CREB3L2: variants seen among roughly 807,000 people sequenced by gnomAD.
CREB3L2 encodes cAMP responsive element binding protein 3 like 2.
CREB3L2 carries 23 observed loss-of-function variants against 57.2 expected under a neutral mutation model. The observed-to-expected ratio is 0.40, with a 90% CI of 0.29 to 0.57. CREB3L2 has a LOEUF of 0.57. CREB3L2 is among the 20% of genes least tolerant of loss of function. The pLI is 0.42. For missense variants in CREB3L2, 628 were observed against 634.7 expected (o/e 0.99, Z 0.11); for synonymous variants, 268 against 265.1 (o/e 1.01, Z -0.11).
At chr7:137,991,283 C>G (rs1801890330) in intron 1 of CREB3L2, among the ~76,000 whole-genome samples, 1 of 151,948 alleles carries the variant, frequency 6.6e-6, no homozygotes, top group East Asian at 2.0e-4. Flanking sequence ...CCTGCCTCAG[C>G]CTCCCGAGTA....
intron 2 of CREB3L2, among the ~76,000 whole-genome samples, chr7:137,924,992 TA>T (rs1463451855): frequency 3.9e-5 from 6 of 152,208 alleles, no homozygotes; most frequent in Non-Finnish European, 7.3e-5. Context: ...CAAATGTAGA[TA>T]GCCCACATTT....
intron 1 of CREB3L2, among the ~76,000 whole-genome samples, chr7:137,928,876 T>A (rs1360061140): frequency 6.6e-6 from 1 of 152,148 alleles, no homozygotes; most frequent in Non-Finnish European, 1.5e-5. Context: ...CACTGCTTGA[T>A]GAGAGGAATG....
chr7:137,947,186 G>A (rs1454293978), intron 1 of CREB3L2, among the ~76,000 whole-genome samples: 1 of 150,902 alleles, frequency 6.6e-6, no homozygotes, highest in East Asian at 1.9e-4. Context: ...GCCCTCACCA[G>A]AAACCAACCA....
chr7:137,937,685 G>A (rs1034042029), intron 1 of CREB3L2, among the ~76,000 whole-genome samples: 5 of 152,058 alleles, frequency 3.3e-5, no homozygotes, highest in East Asian at 1.9e-4. Flanking sequence ...GCTGAGCTTC[G>A]AACTCTTTAT....
chr7:137,911,756 T>G (rs1329547253), intron 4 of CREB3L2, among the ~76,000 whole-genome samples: 1 of 152,170 alleles, frequency 6.6e-6, no homozygotes, highest in Non-Finnish European at 1.5e-5. Flanking sequence ...GAGAATCGCT[T>G]GAACCCATGA....
intron 2 of CREB3L2, among the ~76,000 whole-genome samples, chr7:137,919,645 A>T (rs1800226839): frequency 6.6e-6 from 1 of 152,230 alleles, no homozygotes; most frequent in Non-Finnish European, 1.5e-5. Context: ...ATGATGACAA[A>T]ACACTGAAAA....
At chr7:137,922,438 G>GTA (rs777359777) in intron 2 of CREB3L2, among the ~76,000 whole-genome samples, 455 of 9,966 alleles carry the variant, frequency 0.046, 2 homozygotes, top group Middle Eastern at 0.091. Context: ...ATATATATAC[G>GTA]TATATATATA....
At chr7:138,000,509 A>C (rs1802056009) in intron 1 of CREB3L2, among the ~76,000 whole-genome samples, 1 of 152,184 alleles carries the variant, frequency 6.6e-6, no homozygotes, top group African/African-American at 2.4e-5. Context: ...GGGAATCAGC[A>C]GGGAGGCCCT....
At chr7:137,994,667 C>T (rs1210927587) in intron 1 of CREB3L2, among the ~76,000 whole-genome samples, 7 of 152,186 alleles carry the variant, frequency 4.6e-5, no homozygotes, top group Middle Eastern at 3.4e-3. Flanking sequence ...TTTGCTGGGC[C>T]GGACGTGATA....
At chr7:137,996,004 T>C (rs142426304) in intron 1 of CREB3L2, among the ~76,000 whole-genome samples, 18 of 152,284 alleles carry the variant, frequency 1.2e-4, no homozygotes, top group African/African-American at 2.6e-4. Flanking sequence ...CTCTAGATCA[T>C]AGACAAATTA....
At chr7:137,938,408 C>T (rs1032503654) in intron 1 of CREB3L2, among the ~76,000 whole-genome samples, 3 of 152,012 alleles carry the variant, frequency 2.0e-5, no homozygotes, top group Admixed American at 6.5e-5. Flanking sequence ...TACAGTGGTG[C>T]GATCTCGGCT....
At chr7:137,926,939 A>C (rs541989552) in intron 2 of CREB3L2, among the ~76,000 whole-genome samples, 364 of 152,336 alleles carry the variant, frequency 2.4e-3, no homozygotes, top group Non-Finnish European at 4.1e-3. Flanking sequence ...ACTTCAGCCC[A>C]GGAGTTCAAA....
At chr7:137,976,324 C>G (rs1261696175) in intron 1 of CREB3L2, among the ~76,000 whole-genome samples, 2 of 152,226 alleles carry the variant, frequency 1.3e-5, no homozygotes, top group Non-Finnish European at 2.9e-5. Flanking sequence ...CACACTCAAG[C>G]CTTGGGTGGC....
Position 137,877,720 on chromosome 7 carries a change from A to C in CREB3L2, c.*2756T>G, listed in dbSNP as rs1799189182. 1 of 227,906 alleles carries C rather than the reference A, an allele frequency of 4.4e-6. No individual in the cohort carries two copies. The highest frequency in any genetic ancestry group is 8.7e-6 in the Non-Finnish European group (1 of 114,928). The allele number at this position is 227,906 out of a possible 1,614,324, so 14.1% of individuals were successfully genotyped here. A position where few individuals can be genotyped will look rare whatever the true frequency, so the allele number is the denominator to read the frequency against. ...GTATTTCTCAAAACTTACATTCAGA[A>C]GACACTGTCTGCCACTATTTGAAAT... On this transcript the variant is annotated 3_prime_UTR_variant, in exon 12 of 12. Coordinates refer to ENST00000330387, the MANE Select transcript of CREB3L2 (RefSeq NM_194071.4).
At chr7:137,897,667 T>C (rs1365436481) in intron 8 of CREB3L2, among the ~76,000 whole-genome samples, 1 of 152,080 alleles carries the variant, frequency 6.6e-6, no homozygotes, top group East Asian at 1.9e-4. Flanking sequence ...CTGATCAAGG[T>C]AGATTATTTT....
intron 2 of CREB3L2, among the ~76,000 whole-genome samples, 179 bp downstream of exon 2, chr7:137,927,971 G>T (rs1034156182): frequency 6.6e-6 from 1 of 152,042 alleles, no homozygotes; most frequent in Admixed American, 6.6e-5. Flanking sequence ...GCAGTGTAGA[G>T]AAATGGGTCC....
At chr7:137,986,136 A>T (rs1384247908) in intron 1 of CREB3L2, among the ~76,000 whole-genome samples, 1 of 152,244 alleles carries the variant, frequency 6.6e-6, no homozygotes, top group Non-Finnish European at 1.5e-5. Flanking sequence ...AGGTGCTCAC[A>T]GTAGGGAGAG....
intron 2 of CREB3L2, among the ~76,000 whole-genome samples, chr7:137,925,635 G>A (rs149260158): frequency 6.6e-6 from 1 of 152,254 alleles, no homozygotes; most frequent in Non-Finnish European, 1.5e-5. Context: ...TAAGGGGGAT[G>A]CAAACTGGGG....
intron 1 of CREB3L2, chr7:137,953,486 T>C (rs1469265652): frequency 1.6e-6 from 2 of 1,289,058 alleles, no homozygotes; most frequent in African/African-American, 3.0e-5. Flanking sequence ...TTAAAAAGCG[T>C]CAACCATCCC....
Sources: allele counts gnomAD v4.1 joint callset (sites outside exome capture counted in the v4.1 genomes callset), GRCh38; gene constraint gnomAD v4.1.1; transcripts MANE v1.5; gene names NCBI Gene and HGNC (gene_info 2026-07-23, HGNC 2026-07-21).